Variants in ASIC2 observed in about 807,000 individuals in gnomAD.
ASIC2 encodes the protein acid sensing ion channel subunit 2, also known as acid-sensing ion channel 2.
A neutral mutation model predicts 57.3 loss-of-function variants in ASIC2; 25 were observed. The ratio of observed to expected loss-of-function variants is 0.44; its 90% CI spans 0.32 to 0.61. The LOEUF is 0.61. ASIC2 is among the 20% of genes least tolerant of loss of function. The pLI, the probability that ASIC2 is intolerant of heterozygous loss-of-function variation, is 0.06. For synonymous variants in ASIC2, 319 were observed against 307.5 expected (o/e 1.04, Z -0.39); for missense variants, 641 against 738.1 (o/e 0.87, Z 1.52).
intron 1 of ASIC2, among the ~76,000 whole-genome samples, chr17:33,846,480 C>T (rs1051118462): frequency 1.3e-5 from 2 of 152,148 alleles, no homozygotes; most frequent in African/African-American, 2.4e-5. Flanking sequence ...TGAATCTGAT[C>T]TGCAGAGTGG....
At chr17:33,939,835 A>G (rs1334722852) in intron 1 of ASIC2, among the ~76,000 whole-genome samples, 6 of 152,220 alleles carry the variant, frequency 3.9e-5, no homozygotes, top group Non-Finnish European at 8.8e-5. Flanking sequence ...TCCCTGCTGC[A>G]GTAGCTCCCT....
intron 1 of ASIC2, among the ~76,000 whole-genome samples, chr17:33,994,871 T>A (rs1025859401): frequency 2.0e-5 from 3 of 152,090 alleles, no homozygotes; most frequent in African/African-American, 7.2e-5. Context: ...TTCTGAAGGA[T>A]TGGGGACAAT....
At chr17:33,362,369 C>T (rs1212001346) in intron 1 of ASIC2, among the ~76,000 whole-genome samples, 1 of 152,142 alleles carries the variant, frequency 6.6e-6, no homozygotes, top group African/African-American at 2.4e-5. Context: ...GGGCAAATAG[C>T]TGGTGACACT....
At chr17:33,519,996 G>C (rs1787860021) in intron 1 of ASIC2, among the ~76,000 whole-genome samples, 1 of 152,188 alleles carries the variant, frequency 6.6e-6, no homozygotes, top group Admixed American at 6.5e-5. Context: ...GTACAGCCCA[G>C]GAATCAGAGA....
At chr17:33,987,816 T>C (rs1905871365) in intron 1 of ASIC2, among the ~76,000 whole-genome samples, 1 of 152,178 alleles carries the variant, frequency 6.6e-6, no homozygotes, top group African/African-American at 2.4e-5. Context: ...AATAAATCAT[T>C]AGGCTCAAGA....
intron 1 of ASIC2, among the ~76,000 whole-genome samples, chr17:33,490,828 A>C (rs1913732399): frequency 1.3e-5 from 2 of 152,134 alleles, no homozygotes; most frequent in South Asian, 4.1e-4. Flanking sequence ...TTCCACATGG[A>C]GTCTTAGGTC....
At chr17:33,685,595 A>G (rs1431800373) in intron 1 of ASIC2, among the ~76,000 whole-genome samples, 2 of 152,230 alleles carry the variant, frequency 1.3e-5, no homozygotes, top group African/African-American at 2.4e-5. Context: ...GAAAACAAGG[A>G]ATGGGCCTAG....
chr17:33,066,622 A>C (rs530443226), intron 3 of ASIC2, among the ~76,000 whole-genome samples: 1 of 152,284 alleles, frequency 6.6e-6, no homozygotes, highest in East Asian at 1.9e-4. Context: ...TTACAGATGG[A>C]CAATTTGAAG....
chr17:33,598,956 A>G (rs751192737), intron 1 of ASIC2, among the ~76,000 whole-genome samples: 8 of 152,160 alleles, frequency 5.3e-5, no homozygotes, highest in Middle Eastern at 6.3e-3. Flanking sequence ...GGAAACAGAT[A>G]GCACCATTTG....
intron 1 of ASIC2, among the ~76,000 whole-genome samples, chr17:33,128,641 A>G (rs761378821): frequency 3.3e-5 from 5 of 152,158 alleles, no homozygotes; most frequent in Non-Finnish European, 7.3e-5. Flanking sequence ...GGATTGAGGC[A>G]AGGTGCCAGA....
At position 33,291,425 on chromosome 17, in the gene ASIC2, G is replaced by A. The variant is rs769532040; in HGVS notation, c.691C>T (p.Pro231Ser). The A allele has an allele frequency of 3.7e-6, 6 of 1,602,354 alleles. No homozygotes were observed. The Admixed American group carries it at 5.0e-5, about 13-fold the overall frequency. Residue 231 changes from proline to serine, a missense_variant, in exon 1 of 10, where the codon CCG becomes TCG. By Grantham distance (74) the Pro-to-Ser change is moderately conservative. This residue lies in a region of ASIC2 where 382 missense variants were observed against 398.0 expected (regional missense o/e 0.96). Coordinates refer to ENST00000225823, the MANE Select transcript of ASIC2 (RefSeq NM_183377.2). ...CAACTCACGGAGGAGAAGTTGTGCG[G>A]CCCGCAGAGCTCGCCGCGGTACTTG... ...SCKYRGELCGPHNFSSVFTKY... is the reference protein window; with the variant it reads ...SCKYRGELCGSHNFSSVFTKY...
At chr17:34,043,198 C>A (rs1332388480) in intron 1 of ASIC2, among the ~76,000 whole-genome samples, 2 of 152,178 alleles carry the variant, frequency 1.3e-5, no homozygotes, top group Non-Finnish European at 2.9e-5. Context: ...GCGGTATTCC[C>A]TGGTTCTGGT....
intron 1 of ASIC2, among the ~76,000 whole-genome samples, chr17:33,857,293 A>G (rs756639177): frequency 1.3e-5 from 2 of 152,196 alleles, no homozygotes; most frequent in Non-Finnish European, 2.9e-5. Flanking sequence ...GTCAGGGTGT[A>G]GGAATAGCTC....
At chr17:33,288,952 G>A (rs1463438240) in intron 1 of ASIC2, among the ~76,000 whole-genome samples, 1 of 152,122 alleles carries the variant, frequency 6.6e-6, no homozygotes, top group Non-Finnish European at 1.5e-5. Context: ...GATGACAAAG[G>A]CTAGAGACAA....
chr17:33,102,829 G>A (rs2092217156), intron 2 of ASIC2, among the ~76,000 whole-genome samples: 1 of 152,094 alleles, frequency 6.6e-6, no homozygotes. Context: ...TGTCGCCCAG[G>A]CTGGAGTGCA....
chr17:34,008,365 G>C (rs969913778), intron 1 of ASIC2, among the ~76,000 whole-genome samples: 4 of 152,136 alleles, frequency 2.6e-5, no homozygotes, highest in Admixed American at 6.5e-5. Flanking sequence ...CTGAGTTACA[G>C]CTTGTTAAGA....
intron 1 of ASIC2, among the ~76,000 whole-genome samples, chr17:33,839,835 A>G (rs1405924129): frequency 1.3e-5 from 2 of 152,190 alleles, no homozygotes; most frequent in Non-Finnish European, 2.9e-5. Context: ...TCCAGCCTCC[A>G]GCTCCTTTCA....
At chr17:33,558,597 A>T (rs1915979045) in intron 1 of ASIC2, among the ~76,000 whole-genome samples, 1 of 152,184 alleles carries the variant, frequency 6.6e-6, no homozygotes, top group Admixed American at 6.5e-5. Context: ...AGATCAGCAA[A>T]CTTTCTCTTG....
intron 1 of ASIC2, among the ~76,000 whole-genome samples, chr17:33,371,689 C>G (rs1339781997): frequency 9.9e-6 from 1 of 100,578 alleles, no homozygotes; most frequent in Non-Finnish European, 2.1e-5. Context: ...TATAAATATA[C>G]TTTGGGATTT....
Sources: gnomAD v4.1 joint callset for allele counts (sites outside exome capture counted in the v4.1 genomes callset) on GRCh38, gnomAD v4.1.1 for gene constraint, gnomAD v4.1.1 regional missense constraint, MANE v1.5 for transcripts, NCBI Gene and HGNC (gene_info 2026-07-23, HGNC 2026-07-21) for gene names.